Variants in TNS3 observed in about 807,000 individuals in gnomAD.
TNS3 encodes tensin-3.
In TNS3, 45 loss-of-function variants were observed where a neutral mutation model predicts 140.9. The observed-to-expected ratio is 0.32, with a 90% confidence interval of 0.25 to 0.41. The LOEUF is 0.41. TNS3 is among the 10% of genes least tolerant of loss of function. The pLI is 1.00. For synonymous variants in TNS3, 815 were observed against 788.4 expected (o/e 1.03, Z -0.56); for missense variants, 1,716 against 1,906.7 (o/e 0.90, Z 1.86).
intron 16 of TNS3, among the ~76,000 whole-genome samples, chr7:47,385,368 C>T (rs1480274726): frequency 1.3e-5 from 2 of 152,226 alleles, no homozygotes; most frequent in Non-Finnish European, 2.9e-5. Flanking sequence ...GTGAGCAGCA[C>T]TCAGCAAGGG....
chr7:47,394,172 G>A (rs566101289), intron 16 of TNS3, among the ~76,000 whole-genome samples: 1 of 152,206 alleles, frequency 6.6e-6, no homozygotes, highest in African/African-American at 2.4e-5. Flanking sequence ...CAAGAAACAC[G>A]CATTGAGTAT....
At chr7:47,480,825 C>T (rs1275509865) in intron 4 of TNS3, among the ~76,000 whole-genome samples, 1 of 152,194 alleles carries the variant, frequency 6.6e-6, no homozygotes, top group Non-Finnish European at 1.5e-5. Context: ...CAAGGAAACT[C>T]GGCCCAGGGA....
intron 3 of TNS3, among the ~76,000 whole-genome samples, chr7:47,495,336 C>T (rs1797968250): frequency 2.0e-5 from 3 of 152,210 alleles, no homozygotes; most frequent in South Asian, 4.1e-4. Context: ...CAACTAAGTG[C>T]CTGTCCTGTG....
At chr7:47,288,272 G>A (rs1308358569) in intron 27 of TNS3, among the ~76,000 whole-genome samples, 1 of 152,106 alleles carries the variant, frequency 6.6e-6, no homozygotes, top group African/African-American at 2.4e-5. Flanking sequence ...CTATGACATG[G>A]GATGACAGGA....
intron 20 of TNS3, among the ~76,000 whole-genome samples, chr7:47,332,077 A>C (rs1788373450): frequency 6.6e-6 from 1 of 151,998 alleles, no homozygotes. Context: ...ACAATCCCAG[A>C]CCCTCCCAAG....
At chr7:47,487,437 G>A (rs572331534) in intron 3 of TNS3, among the ~76,000 whole-genome samples, 3 of 152,122 alleles carry the variant, frequency 2.0e-5, no homozygotes, top group Non-Finnish European at 4.4e-5. Flanking sequence ...CTGCCCACAG[G>A]TGAAGTCTCT....
chr7:47,505,594 G>A (rs1279724949), intron 3 of TNS3, among the ~76,000 whole-genome samples: 4 of 151,928 alleles, frequency 2.6e-5, no homozygotes, highest in African/African-American at 9.7e-5. Context: ...TCAGGAAGGG[G>A]GCAGCAAGGC....
At chr7:47,450,441 T>C (rs1795964577) in intron 4 of TNS3, among the ~76,000 whole-genome samples, 2 of 152,204 alleles carry the variant, frequency 1.3e-5, no homozygotes, top group African/African-American at 2.4e-5. Context: ...AACTGTGGAT[T>C]TTTCTCACCC....
At chr7:47,389,102 G>GA (rs1792323892) in intron 16 of TNS3, among the ~76,000 whole-genome samples, 1 of 37,668 alleles carries the variant, frequency 2.7e-5, no homozygotes, top group African/African-American at 1.6e-4. Flanking sequence ...GGAAGAGGAA[G>GA]CGGAAGCAGA....
chr7:47,350,803 T>C (rs534356863), intron 17 of TNS3, among the ~76,000 whole-genome samples: 1 of 152,330 alleles, frequency 6.6e-6, no homozygotes, highest in South Asian at 2.1e-4. Context: ...CAGTAAGTGT[T>C]ATAATGGGCC....
At chr7:47,558,934 A>G (rs950455079) in intron 1 of TNS3, among the ~76,000 whole-genome samples, 2 of 152,216 alleles carry the variant, frequency 1.3e-5, no homozygotes, top group African/African-American at 4.8e-5. Context: ...CAAATCTCCC[A>G]GAGCCGAAAT....
intron 1 of TNS3, among the ~76,000 whole-genome samples, chr7:47,571,095 T>G (rs1252426194): frequency 6.6e-6 from 1 of 152,156 alleles, no homozygotes; most frequent in Non-Finnish European, 1.5e-5. Flanking sequence ...GGGCCCAACG[T>G]GGAGGAACTT....
At chr7:47,501,240 G>T (rs984270286) in intron 3 of TNS3, among the ~76,000 whole-genome samples, 2 of 151,946 alleles carry the variant, frequency 1.3e-5, no homozygotes, top group Non-Finnish European at 2.9e-5. Flanking sequence ...GAGAAAGAAA[G>T]AATTTATTAG....
At chr7:47,361,200 C>A (rs1790296923) in intron 17 of TNS3, among the ~76,000 whole-genome samples, 1 of 23,126 alleles carries the variant, frequency 4.3e-5, no homozygotes, top group South Asian at 1.4e-3. Flanking sequence ...AAGACAGTAA[C>A]CATGCCAAAA....
intron 20 of TNS3, among the ~76,000 whole-genome samples, chr7:47,319,598 A>G (rs577700228): frequency 6.6e-6 from 1 of 151,968 alleles, no homozygotes; most frequent in Admixed American, 6.5e-5. Flanking sequence ...GGAAGTCTAA[A>G]TCACATAAGG....
rs115950394 is a variant in TNS3, at chr7:47,341,901, A to G, written c.2650+2854T>C. Among the ~76,000 whole-genome samples the G allele has an allele frequency of 2.4e-3, 372 of 151,952 alleles. 1 individual carries two copies. The highest frequency in any genetic ancestry group is 8.6e-3 in the African/African-American group (354 of 41,402). On this transcript the variant is annotated intron_variant, in intron 20 of 30. Transcript: ENST00000311160. ...ATAAAGCCATGTCTCACAATTTTTG[A>G]TATTTTATCCTCATTTTCATTCAGT... is the stretch of plus-strand genomic sequence containing the variant.
intron 16 of TNS3, among the ~76,000 whole-genome samples, chr7:47,388,798 T>C (rs1458472733): frequency 1.3e-5 from 2 of 150,910 alleles, no homozygotes; most frequent in Non-Finnish European, 3.0e-5. Flanking sequence ...ACCCGGGAGG[T>C]GGAGGTTGCA....
intron 2 of TNS3, among the ~76,000 whole-genome samples, chr7:47,525,305 T>C (rs1192884775): frequency 2.0e-5 from 3 of 152,132 alleles, no homozygotes; most frequent in Non-Finnish European, 2.9e-5. Context: ...CAGAAACCAG[T>C]AGATGGGCCA....
At chr7:47,292,434 T>C (rs1785760454) in intron 26 of TNS3, among the ~76,000 whole-genome samples, 1 of 152,178 alleles carries the variant, frequency 6.6e-6, no homozygotes, top group Non-Finnish European at 1.5e-5. Flanking sequence ...TTAACAAACA[T>C]AAAAGTAAAA....
Sources: gnomAD v4.1 joint callset for allele counts (sites outside exome capture counted in the v4.1 genomes callset) on GRCh38, gnomAD v4.1.1 for gene constraint, MANE v1.5 for transcripts, NCBI Gene and HGNC (gene_info 2026-07-23, HGNC 2026-07-21) for gene names.